Variants in LAP3 observed in about 807,000 individuals in gnomAD.
LAP3 encodes cytosol aminopeptidase.
In LAP3, 46 loss-of-function variants were observed where a neutral mutation model predicts 58.8. The ratio of observed to expected loss-of-function variants is 0.78; its 90% CI spans 0.62 to 1.00. LAP3 has a LOEUF of 1.00. Among genes scored for constraint, LAP3 ranks in the 50% least tolerant of loss-of-function variants. The pLI, the probability that LAP3 is intolerant of heterozygous loss-of-function variation, is 0.00. For synonymous variants in LAP3, 257 were observed against 237.7 expected, an observed-to-expected ratio of 1.08 and a Z score of -0.75; for missense variants, 615 against 659.1, an observed-to-expected ratio of 0.93 and a Z score of 0.73.
At chr4:17,583,230 C>T (rs183201325) in intron 4 of LAP3, among the ~76,000 whole-genome samples, 7 of 152,278 alleles carry the variant, frequency 4.6e-5, no homozygotes, top group South Asian at 2.1e-4. Context: ...AGAGCCTGTA[C>T]GGCTCTGGGA....
chr4:17,583,900 C>A (rs572957923), intron 5 of LAP3, among the ~76,000 whole-genome samples: 1 of 152,378 alleles, frequency 6.6e-6, no homozygotes, highest in Non-Finnish European at 1.5e-5. Context: ...AACCAGGTAG[C>A]TCTTACCTGA....
intron 2 of LAP3, among the ~76,000 whole-genome samples, chr4:17,580,182 G>GTGTATATATATATATATATATATA (rs1230041457): frequency 1.6e-4 from 5 of 31,030 alleles, no homozygotes; most frequent in South Asian, 7.9e-4. Context: ...ATATATATAT[G>GTGTATATATATATATATATATATA]TATTTTTTTT....
At chr4:17,596,503 T>C (rs2109022510) in intron 8 of LAP3, among the ~76,000 whole-genome samples, 1 of 151,994 alleles carries the variant, frequency 6.6e-6, no homozygotes, top group African/African-American at 2.4e-5. Flanking sequence ...CCATGCCTGG[T>C]TAATTTTGTA....
At chr4:17,591,568 T>G (rs1010064654) in intron 7 of LAP3, among the ~76,000 whole-genome samples, 1 of 152,238 alleles carries the variant, frequency 6.6e-6, no homozygotes, top group Non-Finnish European at 1.5e-5. Context: ...ACCCAAAGCC[T>G]TCTTTGGGTT....
intron 1 of LAP3, 122 bp downstream of exon 1, chr4:17,577,689 TA>T: frequency 1.4e-6 from 1 of 731,362 alleles, no homozygotes; most frequent in Non-Finnish European, 2.2e-6. Flanking sequence ...AAAATCAGTT[TA>T]AAAGAAAAAT....
Position 17,577,377 on chromosome 4 carries a change from T to C in LAP3, c.-89T>C. 4.0e-6 allele frequency: 4 copies of C among 1,003,912 alleles called. No individual in the cohort carries two copies. Among genetic ancestry groups the C allele is most frequent in the African/African-American group, 1.7e-5 (1 of 57,766 alleles). The allele number at this position is 1,003,912 out of a possible 1,614,324, so 62.2% of individuals were successfully genotyped here. ...CGAGCCAGTCCGCGCGCACGCCGTC[T>C]GCGCCCCGAAAGCCCCGCCCCAAGG... On this transcript the variant is annotated 5_prime_UTR_variant, in exon 1 of 13. Transcript: ENST00000226299.
At chr4:17,588,108 G>A (rs2109019880) in intron 6 of LAP3, among the ~76,000 whole-genome samples, 1 of 152,100 alleles carries the variant, frequency 6.6e-6, no homozygotes, top group South Asian at 2.1e-4. Context: ...GCTCACTGCA[G>A]CCTTGACCTC....
At chr4:17,599,512 G>C (rs1048384782) in intron 10 of LAP3, among the ~76,000 whole-genome samples, 4 of 152,058 alleles carry the variant, frequency 2.6e-5, no homozygotes, top group Admixed American at 2.6e-4. Context: ...CTCCAGCTTG[G>C]TGACAGAGCG....
chr4:17,587,105 CAA>C (rs544697565), intron 6 of LAP3, among the ~76,000 whole-genome samples: 11 of 151,864 alleles, frequency 7.2e-5, no homozygotes, highest in Non-Finnish European at 1.3e-4. Context: ...CACTGTGTCT[CAA>C]AAAAAGACTG....
intron 11 of LAP3, among the ~76,000 whole-genome samples, chr4:17,606,095 T>A (rs1276676738): frequency 6.6e-6 from 1 of 152,170 alleles, no homozygotes; most frequent in Non-Finnish European, 1.5e-5. Flanking sequence ...TGCTCAGTAG[T>A]TCAGTAAACG....
At chr4:17,578,962 C>T (rs1046902484) in intron 1 of LAP3, among the ~76,000 whole-genome samples, 2 of 152,018 alleles carry the variant, frequency 1.3e-5, no homozygotes, top group Non-Finnish European at 2.9e-5. Flanking sequence ...GAAAATCTTC[C>T]CTCTATCCTC....
intron 1 of LAP3, among the ~76,000 whole-genome samples, chr4:17,578,473 A>C (rs1352215019): frequency 6.6e-6 from 1 of 152,126 alleles, no homozygotes; most frequent in Non-Finnish European, 1.5e-5. Flanking sequence ...GCACTATTCT[A>C]AGTGTCTGTG....
At chr4:17,577,686 G>GT (rs1454764482) in intron 1 of LAP3, 119 bp downstream of exon 1, 1 of 751,092 alleles carries the variant, frequency 1.3e-6, no homozygotes, top group Non-Finnish European at 2.1e-6. Flanking sequence ...GCAAAAATCA[G>GT]TTTAAAAGAA....
At chr4:17,603,728 C>T (rs894374241) in intron 10 of LAP3, among the ~76,000 whole-genome samples, 4 of 151,272 alleles carry the variant, frequency 2.6e-5, no homozygotes, top group African/African-American at 7.3e-5. Context: ...TGGTCAGGCT[C>T]GTCTCAAACT....
At position 17,577,381 on chromosome 4, in the gene LAP3, C is replaced by A. The variant is rs1713225033; in HGVS notation, c.-85C>A. On this transcript the variant is annotated 5_prime_UTR_variant, in exon 1 of 13. Coordinates refer to ENST00000226299, the MANE Select transcript of LAP3 (RefSeq NM_015907.3). ...CCAGTCCGCGCGCACGCCGTCTGCG[C>A]CCCGAAAGCCCCGCCCCAAGGCGCG... is the stretch of plus-strand genomic sequence containing the variant. 2 of 1,052,696 alleles carry A rather than the reference C, an allele frequency of 1.9e-6. No homozygotes were observed. The highest frequency in any genetic ancestry group is 3.8e-5 in the Admixed American group (1 of 26,558). 65.2% of individuals were successfully genotyped at this position (1,052,696 alleles called of 1,614,324 possible). A position where few individuals can be genotyped will look rare whatever the true frequency, so the allele number is the denominator to read the frequency against.
intron 7 of LAP3, among the ~76,000 whole-genome samples, chr4:17,590,697 G>A (rs1030877856): frequency 6.6e-6 from 1 of 151,490 alleles, no homozygotes; most frequent in Non-Finnish European, 1.5e-5. Context: ...TCAGCCTCCC[G>A]AGTAGCTGGG....
At chr4:17,579,745 C>T (rs1713301277) in intron 1 of LAP3, 79 bp from the exon 2 acceptor site, 2 of 711,806 alleles carry the variant, frequency 2.8e-6, no homozygotes, top group African/African-American at 1.9e-5. Flanking sequence ...TTTGTTCCTT[C>T]TGGAATTTGG....
intron 12 of LAP3, 92 bp from the exon 13 acceptor site, chr4:17,607,308 G>T: frequency 9.4e-7 from 1 of 1,068,668 alleles, no homozygotes. Flanking sequence ...CTTGACTCTT[G>T]TTCTTTGGTT....
At chr4:17,597,835 AG>A (rs1377830787) in intron 9 of LAP3, among the ~76,000 whole-genome samples, 1 of 151,990 alleles carries the variant, frequency 6.6e-6, no homozygotes, top group African/African-American at 2.4e-5. Context: ...CCTGCACTGA[AG>A]GGGATGTGGC....
Sources: gnomAD v4.1 joint callset for allele counts (sites outside exome capture counted in the v4.1 genomes callset) on GRCh38, gnomAD v4.1.1 for gene constraint, MANE v1.5 for transcripts, NCBI Gene and HGNC (gene_info 2026-07-23, HGNC 2026-07-21) for gene names.